SPMIP11: variants seen among roughly 807,000 people sequenced by gnomAD.
SPMIP11 encodes long intergenic non-protein coding RNA 935.
chr12:48,761,852 A>C, the SPMIP11 span, among the ~76,000 whole-genome samples: 1 of 147,182 alleles, frequency 6.8e-6, no homozygotes, highest in Non-Finnish European at 1.5e-5. Context: ...CCTCCTGAGT[A>C]GCTGAGACTA....
chr12:48,748,541 T>C, the SPMIP11 span, among the ~76,000 whole-genome samples: 1 of 151,774 alleles, frequency 6.6e-6, no homozygotes. Flanking sequence ...TTTAAATTCA[T>C]GATCACCAAA....
the SPMIP11 span, among the ~76,000 whole-genome samples, chr12:48,730,884 G>A: frequency 1.3e-5 from 2 of 152,178 alleles, no homozygotes; most frequent in Non-Finnish European, 2.9e-5. Flanking sequence ...GTTGCAGTGA[G>A]GCGTGATCGC....
the SPMIP11 span, among the ~76,000 whole-genome samples, chr12:48,732,393 T>C: frequency 6.6e-6 from 1 of 152,122 alleles, no homozygotes; most frequent in Non-Finnish European, 1.5e-5. Context: ...CACCTACAAA[T>C]TCCTACCAAC....
chr12:48,737,476 G>T, the SPMIP11 span, among the ~76,000 whole-genome samples: 1 of 148,344 alleles, frequency 6.7e-6, no homozygotes, highest in East Asian at 2.0e-4. Flanking sequence ...GTGCAGTGGC[G>T]TGATCTCGGC....
chr12:48,728,722 A>G, the SPMIP11 span, among the ~76,000 whole-genome samples: 1 of 151,678 alleles, frequency 6.6e-6, no homozygotes, highest in African/African-American at 2.4e-5. Flanking sequence ...AAAAAAAAAA[A>G]AAAAAAAAAG....
the SPMIP11 span, chr12:48,771,140 C>G: frequency 3.8e-5 from 25 of 663,844 alleles, no homozygotes; most frequent in African/African-American, 1.1e-4. This position sits in a 1 kb window ranked among gnomAD's most constrained non-coding sequence, Gnocchi z 4.3. Flanking sequence ...AAACAGGCAG[C>G]CTAGGACTCC....
the SPMIP11 span, among the ~76,000 whole-genome samples, chr12:48,743,231 A>G: frequency 3.1e-4 from 42 of 133,924 alleles, no homozygotes; most frequent in Admixed American, 2.1e-3. Flanking sequence ...CATCTCTACT[A>G]AAAAAAAAAA....
the SPMIP11 span, among the ~76,000 whole-genome samples, chr12:48,752,039 C>T: frequency 6.7e-6 from 1 of 149,652 alleles, no homozygotes; most frequent in Non-Finnish European, 1.5e-5. Flanking sequence ...TGTGCTCCAG[C>T]CTGGGCAACA....
chr12:48,756,313 G>T, the SPMIP11 span, among the ~76,000 whole-genome samples: 1 of 152,062 alleles, frequency 6.6e-6, no homozygotes. Flanking sequence ...GTACAAATCA[G>T]CCCCATGGTT....
chr12:48,749,927 G>A, the SPMIP11 span, among the ~76,000 whole-genome samples: 2 of 151,586 alleles, frequency 1.3e-5, no homozygotes, highest in Non-Finnish European at 2.9e-5. Context: ...TCCTGACCTC[G>A]TGATCCGCCT....
the SPMIP11 span, among the ~76,000 whole-genome samples, chr12:48,733,127 T>C: frequency 1.4e-5 from 2 of 139,688 alleles, no homozygotes; most frequent in South Asian, 4.6e-4. Flanking sequence ...CAGGCTGGAG[T>C]GCAGTGGTGC....
the SPMIP11 span, among the ~76,000 whole-genome samples, chr12:48,750,086 C>A: frequency 2.8e-4 from 42 of 151,718 alleles, no homozygotes; most frequent in Middle Eastern, 3.4e-3. Context: ...GTGCAGTGGC[C>A]CAGGCCTGTA....
chr12:48,730,171 A>T, the SPMIP11 span, among the ~76,000 whole-genome samples: 1 of 152,190 alleles, frequency 6.6e-6, no homozygotes, highest in Non-Finnish European at 1.5e-5. Flanking sequence ...CTTGATACTG[A>T]TCCAAAGAGG....
the SPMIP11 span, among the ~76,000 whole-genome samples, chr12:48,732,472 A>T: frequency 6.6e-6 from 1 of 151,922 alleles, no homozygotes; most frequent in Non-Finnish European, 1.5e-5. Context: ...AACAAATACT[A>T]TATGATGAAA....
chr12:48,752,814 G>A, the SPMIP11 span, among the ~76,000 whole-genome samples: 1 of 151,986 alleles, frequency 6.6e-6, no homozygotes, highest in South Asian at 2.1e-4. Flanking sequence ...TGGGATTACA[G>A]GCACATGCGA....
At chr12:48,743,947 A>G in the SPMIP11 span, among the ~76,000 whole-genome samples, 291 of 148,882 alleles carry the variant, frequency 2.0e-3, no homozygotes, top group South Asian at 4.0e-3. Context: ...AAAAAAAAAA[A>G]AAAAAAAAAA....
chr12:48,771,080 A>G, the SPMIP11 span: 1 of 1,075,978 alleles, frequency 9.3e-7, no homozygotes, highest in East Asian at 2.6e-5. The surrounding 1 kb of genome is among the most constrained non-coding windows in gnomAD (Gnocchi z 4.3). Context: ...TCCCTGTCTC[A>G]AGAGCCCCCT....
chr12:48,753,715 T>A, the SPMIP11 span, among the ~76,000 whole-genome samples: 1 of 148,862 alleles, frequency 6.7e-6, no homozygotes, highest in Non-Finnish European at 1.5e-5. Flanking sequence ...TTTTTTTTCT[T>A]TTTTTGGAGA....
At chr12:48,765,784 ACTAAAAGTTG>A in the SPMIP11 span, 1 of 656,916 alleles carries the variant, frequency 1.5e-6, no homozygotes, top group Non-Finnish European at 2.8e-6. Flanking sequence ...AACAGACTGG[ACTAAAAGTTG>A]CTTGTGTGCA....
Sources: allele counts gnomAD v4.1 joint callset (sites outside exome capture counted in the v4.1 genomes callset), GRCh38; gene constraint gnomAD v4.1.1; non-coding constraint Gnocchi (gnomAD v3.1); transcripts MANE v1.5; gene names NCBI Gene and HGNC (gene_info 2026-07-23, HGNC 2026-07-21).